ROR2: variants seen among roughly 807,000 people sequenced by gnomAD.
ROR2 encodes ROR family WNT receptor 2.
Under a neutral mutation model 74.9 loss-of-function variants are expected in ROR2, and 33 were observed. That is an observed-to-expected ratio of 0.44 (90% CI 0.33 to 0.59). The LOEUF (loss-of-function observed/expected upper bound fraction) is 0.59. Ranked by LOEUF, ROR2 falls within the 20% of genes least tolerant of loss-of-function variation. ROR2 has a pLI of 0.02. For synonymous variants in ROR2, 586 were observed against 558.7 expected, an observed-to-expected ratio of 1.05 and a Z score of -0.69; for missense variants, 1,216 against 1,313.8, an observed-to-expected ratio of 0.93 and a Z score of 1.15.
intron 1 of ROR2, among the ~76,000 whole-genome samples, chr9:91,875,611 C>T (rs964218160): frequency 1.3e-5 from 2 of 152,020 alleles, no homozygotes; most frequent in Non-Finnish European, 2.9e-5. Flanking sequence ...GGTCACAAGA[C>T]GTGCCAAGAT....
At chr9:91,825,471 T>C (rs917253330) in intron 1 of ROR2, among the ~76,000 whole-genome samples, 1 of 152,146 alleles carries the variant, frequency 6.6e-6, no homozygotes, top group Non-Finnish European at 1.5e-5. Context: ...TCCTGAGATC[T>C]TGCACTTGGA....
chr9:91,866,601 G>A (rs564840953), intron 1 of ROR2, among the ~76,000 whole-genome samples: 3 of 151,978 alleles, frequency 2.0e-5, no homozygotes, highest in Admixed American at 2.0e-4. Context: ...CCAGCTGCAT[G>A]TTTTAAAGCG....
Position 91,908,672 on chromosome 9 carries a change from G to T in ROR2, c.97+41195C>A, listed in dbSNP as rs566619332. 8.9e-4 allele frequency among the ~76,000 whole-genome samples: 135 copies of T among 152,170 alleles called. 1 individual carries two copies. The highest frequency in any genetic ancestry group is 3.0e-3 in the African/African-American group (124 of 41,522). On this transcript the variant is annotated intron_variant, in intron 1 of 8. Transcript: ENST00000375708. The stretch of plus-strand genomic sequence containing the variant: ...AAATAAATTCAGCATCCCTCTACTG[G>T]TAATTCAAAATTGATACTAATAACA...
chr9:91,859,585 G>A (rs1428700639), intron 1 of ROR2, among the ~76,000 whole-genome samples: 8 of 152,126 alleles, frequency 5.3e-5, no homozygotes, highest in African/African-American at 1.9e-4. Flanking sequence ...CACTTTGGGA[G>A]GCAGAGGCAG....
intron 1 of ROR2, among the ~76,000 whole-genome samples, chr9:91,918,779 C>A (rs1372210632): frequency 6.6e-6 from 1 of 152,140 alleles, no homozygotes; most frequent in Non-Finnish European, 1.5e-5. Context: ...ACAGGAAGAG[C>A]CTACAAATGT....
chr9:91,736,329 T>G (rs1263972911), intron 5 of ROR2, among the ~76,000 whole-genome samples: 2 of 152,196 alleles, frequency 1.3e-5, no homozygotes, highest in Admixed American at 6.5e-5. Flanking sequence ...AGTCCGAGGG[T>G]GACCTGAACT....
intron 1 of ROR2, among the ~76,000 whole-genome samples, chr9:91,939,386 G>T (rs1002626853): frequency 6.6e-6 from 1 of 152,228 alleles, no homozygotes; most frequent in African/African-American, 2.4e-5. Context: ...TGATTTCAGT[G>T]ATCCAATGAG....
chr9:91,764,772 T>G (rs1826012877), intron 2 of ROR2, among the ~76,000 whole-genome samples: 1 of 152,208 alleles, frequency 6.6e-6, no homozygotes, highest in South Asian at 2.1e-4. Flanking sequence ...ATTCTTTGGG[T>G]AAAGGACTAA....
At chr9:91,735,898 G>C (rs759734344) in intron 5 of ROR2, among the ~76,000 whole-genome samples, 12 of 152,018 alleles carry the variant, frequency 7.9e-5, no homozygotes, top group Non-Finnish European at 1.2e-4. Context: ...TTACAGGCGT[G>C]AGCCACCGTG....
At position 91,867,656 on chromosome 9, in the gene ROR2, C is replaced by CTCTGTGTGTGTG. The variant is rs564755026; in HGVS notation, c.97+82210_97+82211insCACACACACAGA. On this transcript the variant is annotated intron_variant, in intron 1 of 8. Coordinates refer to ENST00000375708, the MANE Select transcript of ROR2 (RefSeq NM_004560.4). ...ACAAGTTCCTGAGACCACCCATGAG[C>CTCTGTGTGTGTG]TGTGTGTGTGTGTGTGTGTGTGTGT... 6.0e-3 allele frequency among the ~76,000 whole-genome samples: 790 copies of CTCTGTGTGTGTG among 131,360 alleles called. 1 individual carries two copies. Among genetic ancestry groups the CTCTGTGTGTGTG allele is most frequent in the Middle Eastern group, 0.012 (3 of 246 alleles). The allele number at this position is 131,360 out of a possible 152,430, so 86.2% of individuals were successfully genotyped here. A position where few individuals can be genotyped will look rare whatever the true frequency, so the allele number is the denominator to read the frequency against.
chr9:91,751,711 A>G (rs763108394), intron 4 of ROR2, among the ~76,000 whole-genome samples: 37 of 152,208 alleles, frequency 2.4e-4, no homozygotes, highest in Admixed American at 3.3e-4. Context: ...TTAATACTCA[A>G]TCTCACAGAT....
At chr9:91,824,415 C>A (rs190246282) in intron 1 of ROR2, among the ~76,000 whole-genome samples, 143 of 152,336 alleles carry the variant, frequency 9.4e-4, no homozygotes, top group Admixed American at 2.8e-3. Context: ...GAAGTGGGCA[C>A]TAAACCTCAC....
rs953927244 is a variant in ROR2, at chr9:91,789,157, C to T, written c.98-13339G>A. 3.3e-5 allele frequency among the ~76,000 whole-genome samples: 5 copies of T among 152,258 alleles called. No homozygotes were observed. The East Asian group carries it at 7.7e-4, about 23-fold the overall frequency. The stretch of plus-strand genomic sequence containing the variant: ...TTTAAAGTGATGGACATGGTACTTA[C>T]CCCAATTTGATTATTATACAATGCA... On this transcript the variant is annotated intron_variant, in intron 1 of 8. Coordinates refer to ENST00000375708, the MANE Select transcript of ROR2 (RefSeq NM_004560.4).
chr9:91,859,327 G>A (rs1175260998), intron 1 of ROR2, among the ~76,000 whole-genome samples: 12 of 150,446 alleles, frequency 8.0e-5, no homozygotes, highest in Admixed American at 6.6e-4. Flanking sequence ...TCAGCCTCCC[G>A]GGTAGCTGGG....
In ROR2 at chr9:91,724,819, C is replaced by T. The variant is rs117134265; in HGVS notation, c.1675G>A (p.Gly559Ser). 1.1e-4 allele frequency: 176 copies of T among 1,607,210 alleles called. No individual in the cohort carries two copies. The East Asian group carries it at 2.4e-3, about 22-fold the overall frequency. Reference protein sequence around the residue: ...LSMIFSYCSHGDLHEFLVMRS... With the variant: ...LSMIFSYCSHSDLHEFLVMRS... Reference sequence around the variant, plus strand: ...ATGACCAGGAATTCGTGGAGGTCGCCGTGCGAACAGTAGCTGAAGATCATG... The same window carrying T: ...ATGACCAGGAATTCGTGGAGGTCGCTGTGCGAACAGTAGCTGAAGATCATG... The change falls in exon 9 of 9, where the codon GGC (glycine) becomes AGC (serine). Residue 559 changes from glycine to serine, a missense_variant. Gly to Ser is a moderately conservative substitution (Grantham distance 56). Transcript: ENST00000375708.
At chr9:91,948,293 G>C (rs921579841) in intron 1 of ROR2, among the ~76,000 whole-genome samples, 1 of 152,160 alleles carries the variant, frequency 6.6e-6, no homozygotes, top group Admixed American at 6.5e-5. Flanking sequence ...AGCAAAAGCC[G>C]CCCAACAGCA....
At chr9:91,896,012 A>G (rs1830529989) in intron 1 of ROR2, among the ~76,000 whole-genome samples, 1 of 152,156 alleles carries the variant, frequency 6.6e-6, no homozygotes, top group Admixed American at 6.5e-5. Flanking sequence ...GTATCAAGAA[A>G]ACTTGAGCCC....
chr9:91,858,858 G>A (rs893828335), intron 1 of ROR2, among the ~76,000 whole-genome samples: 5 of 152,152 alleles, frequency 3.3e-5, no homozygotes, highest in Non-Finnish European at 7.3e-5. Flanking sequence ...TTTACAGAAA[G>A]GTTAAGCAGC....
intron 4 of ROR2, among the ~76,000 whole-genome samples, chr9:91,745,099 G>A (rs941557823): frequency 2.0e-5 from 3 of 151,786 alleles, no homozygotes; most frequent in African/African-American, 7.3e-5. Context: ...TCACCATATG[G>A]TCTCATTTAT....
Sources: allele counts gnomAD v4.1 joint callset (sites outside exome capture counted in the v4.1 genomes callset), GRCh38; gene constraint gnomAD v4.1.1; transcripts MANE v1.5; gene names NCBI Gene and HGNC (gene_info 2026-07-23, HGNC 2026-07-21).